Variants in IRAK2 observed in about 807,000 individuals in gnomAD.
The protein encoded by IRAK2 is interleukin-1 receptor-associated kinase-like 2.
In IRAK2, 57 loss-of-function variants were observed where a neutral mutation model predicts 72.0. That is an observed-to-expected ratio of 0.79 (90% CI 0.64 to 0.99). The LOEUF (loss-of-function observed/expected upper bound fraction) is 0.99, where lower values mean the gene tolerates loss of function less well. IRAK2 is among the 50% of genes least tolerant of loss of function. The pLI is 0.00. For missense variants in IRAK2, 790 were observed against 794.4 expected (o/e 0.99, Z 0.07); for synonymous variants, 293 against 312.7 (o/e 0.94, Z 0.67).
chr3:10,215,348 C>T lies in IRAK2; in HGVS notation c.789-1586C>T, dbSNP rs932666613. ...AGTGGAGGTTGCAGTGAGCCCAGAT[C>T]GCACCACTGCACTCCAGCCTGGGCA... On this transcript the variant is annotated intron_variant, in intron 6 of 12. Coordinates refer to ENST00000256458, the MANE Select transcript of IRAK2 (RefSeq NM_001570.4). Among the ~76,000 whole-genome samples, 14 of 139,176 alleles carry T rather than the reference C, an allele frequency of 1.0e-4. 1 individual carries two copies. Among genetic ancestry groups the T allele is most frequent in the South Asian group, 8.8e-4 (4 of 4,552 alleles). 91.3% of individuals were successfully genotyped at this position (139,176 alleles called of 152,430 possible). A position where few individuals can be genotyped will look rare whatever the true frequency, so the allele number is the denominator to read the frequency against.
At chr3:10,192,248 C>G in intron 2 of IRAK2, among the ~76,000 whole-genome samples, 1 of 152,250 alleles carries the variant, frequency 6.6e-6, no homozygotes, top group African/African-American at 2.4e-5. Context: ...CATGAGTCAG[C>G]CTAAGAACAA....
intron 9 of IRAK2, among the ~76,000 whole-genome samples, chr3:10,224,739 T>TCCATTTATCCACCTACCCACACATCCAC (rs1697747687): frequency 4.7e-5 from 4 of 85,386 alleles, no homozygotes; most frequent in East Asian, 5.4e-4. Flanking sequence ...CATCCATCCA[T>TCCATTTATCCACCTACCCACACATCCAC]CCATCCATCC....
intron 11 of IRAK2, among the ~76,000 whole-genome samples, chr3:10,235,030 C>A (rs1030557456): frequency 1.3e-5 from 2 of 152,204 alleles, no homozygotes; most frequent in East Asian, 3.8e-4. Context: ...CTGAGTCCCA[C>A]CACAGAGGGA....
At chr3:10,225,312 A>T (rs760641035) in intron 9 of IRAK2, among the ~76,000 whole-genome samples, 1 of 152,170 alleles carries the variant, frequency 6.6e-6, no homozygotes, top group African/African-American at 2.4e-5. Context: ...ACAGATGAGG[A>T]CACTGAGGCT....
chr3:10,186,366 C>T (rs943523862), intron 2 of IRAK2, among the ~76,000 whole-genome samples: 1 of 151,716 alleles, frequency 6.6e-6, no homozygotes, highest in Non-Finnish European at 1.5e-5. Context: ...CTCTTGGCTT[C>T]TAATCAGTTC....
chr3:10,186,759 C>G (rs1238297000), intron 2 of IRAK2, among the ~76,000 whole-genome samples: 1 of 147,156 alleles, frequency 6.8e-6, no homozygotes, highest in Non-Finnish European at 1.5e-5. Flanking sequence ...TAGCTACAGG[C>G]TGGGTCTTTG....
intron 2 of IRAK2, among the ~76,000 whole-genome samples, chr3:10,179,112 C>T (rs569885657): frequency 2.0e-5 from 3 of 152,232 alleles, no homozygotes; most frequent in African/African-American, 7.2e-5. Flanking sequence ...CAGCTAGTAG[C>T]ACATCATGTA....
At chr3:10,239,291 T>C (rs973269549) in intron 12 of IRAK2, among the ~76,000 whole-genome samples, 5 of 152,194 alleles carry the variant, frequency 3.3e-5, no homozygotes, top group African/African-American at 1.2e-4. Context: ...CATCTACTTC[T>C]CTGCGTTCCC....
intron 2 of IRAK2, among the ~76,000 whole-genome samples, chr3:10,189,390 C>T (rs547713917): frequency 9.8e-5 from 15 of 152,292 alleles, no homozygotes; most frequent in African/African-American, 3.4e-4. Flanking sequence ...TTGCTTTCAC[C>T]GGAGAGTGAA....
intron 2 of IRAK2, among the ~76,000 whole-genome samples, chr3:10,199,920 C>T: frequency 7.1e-6 from 1 of 140,466 alleles, no homozygotes. Context: ...CAGAGTCTTG[C>T]TCTGTCGCTC....
chr3:10,235,442 C>T (rs1006928974), intron 11 of IRAK2, among the ~76,000 whole-genome samples: 3 of 152,086 alleles, frequency 2.0e-5, no homozygotes, highest in Admixed American at 6.6e-5. Flanking sequence ...GAATTACAGG[C>T]ATCAGCCGCT....
Position 10,228,170 on chromosome 3 carries a change from C to G in IRAK2, c.1272+1737C>G, listed in dbSNP as rs1697809340. Among the ~76,000 whole-genome samples the G allele has an allele frequency of 2.0e-5, 3 of 152,076 alleles. No homozygotes were observed. In the South Asian group the frequency reaches 6.2e-4, roughly 32 times the overall value. ...TCATCCAAACTCTAGTCTTCCTCAT[C>G]AGTTTGAGAGGGGGCACCTTTTCCT... On this transcript the variant is annotated intron_variant, in intron 10 of 12. Coordinates refer to ENST00000256458, the MANE Select transcript of IRAK2 (RefSeq NM_001570.4).
intron 2 of IRAK2, among the ~76,000 whole-genome samples, chr3:10,199,331 G>A (rs925054742): frequency 6.6e-6 from 1 of 152,138 alleles, no homozygotes; most frequent in African/African-American, 2.4e-5. Context: ...GGAGTTCTTC[G>A]GCCAGTCCTG....
chr3:10,219,539 C>A lies in IRAK2; in HGVS notation c.904-141C>A, dbSNP rs563694731. On this transcript the variant is annotated intron_variant, in intron 7 of 12. Transcript: ENST00000256458. ...TTCACCGTGTTAGCCAGGATGGTCT[C>A]GATCTCCTGAACTAGTGATCTGCCT... 30 of 627,124 alleles carry A rather than the reference C, an allele frequency of 4.8e-5. 1 individual carries two copies. The highest frequency in any genetic ancestry group is 3.8e-4 in the African/African-American group (21 of 54,844). 38.8% of individuals were successfully genotyped at this position (627,124 alleles called of 1,614,324 possible). A position where few individuals can be genotyped will look rare whatever the true frequency, so the allele number is the denominator to read the frequency against.
intron 12 of IRAK2, among the ~76,000 whole-genome samples, 192 bp downstream of exon 12, chr3:10,239,231 C>G (rs1009128308): frequency 2.0e-5 from 3 of 152,180 alleles, no homozygotes; most frequent in African/African-American, 7.2e-5. Context: ...GGACTGTGTC[C>G]GGTTAATCAC....
chr3:10,227,245 C>T (rs1697793496), intron 10 of IRAK2, among the ~76,000 whole-genome samples: 1 of 151,920 alleles, frequency 6.6e-6, no homozygotes, highest in Non-Finnish European at 1.5e-5. Flanking sequence ...GCTGGGAGTT[C>T]GAGACCAGCC....
At chr3:10,227,381 G>C (rs1197843390) in intron 10 of IRAK2, among the ~76,000 whole-genome samples, 1 of 152,056 alleles carries the variant, frequency 6.6e-6, no homozygotes, top group Non-Finnish European at 1.5e-5. Flanking sequence ...CCAGGAGACA[G>C]AGGTTGCGGT....
intron 1 of IRAK2, among the ~76,000 whole-genome samples, chr3:10,173,030 A>G (rs73026518): frequency 6.6e-6 from 1 of 152,132 alleles, no homozygotes; most frequent in Non-Finnish European, 1.5e-5. Context: ...TAACACTTAC[A>G]GCTAATACTT....
At chr3:10,237,929 C>G (rs1029370972) in intron 11 of IRAK2, among the ~76,000 whole-genome samples, 198 of 138,330 alleles carry the variant, frequency 1.4e-3, no homozygotes, top group Middle Eastern at 3.5e-3. Flanking sequence ...TATGTGTGCT[C>G]TGTGTGTGTG....
Sources: allele counts gnomAD v4.1 joint callset (sites outside exome capture counted in the v4.1 genomes callset), GRCh38; gene constraint gnomAD v4.1.1; transcripts MANE v1.5; gene names NCBI Gene and HGNC (gene_info 2026-07-23, HGNC 2026-07-21).